Variants in DOCK6 observed in about 807,000 individuals in gnomAD.
DOCK6 encodes the protein dedicator of cytokinesis protein 6.
In DOCK6, 167 loss-of-function variants were observed where a neutral mutation model predicts 230.3. That is an observed-to-expected ratio of 0.73 (90% CI 0.64 to 0.82). The LOEUF is 0.82. DOCK6 is among the 40% of genes least tolerant of loss of function. The pLI is 0.00. For synonymous variants in DOCK6, 1,148 were observed against 1,185.0 expected (o/e 0.97, Z 0.64); for missense variants, 2,598 against 2,825.8 (o/e 0.92, Z 1.83).
At chr19:11,239,460 G>A (rs2079904658) in intron 14 of DOCK6, among the ~76,000 whole-genome samples, 1 of 152,208 alleles carries the variant, frequency 6.6e-6, no homozygotes, top group Non-Finnish European at 1.5e-5. Flanking sequence ...CCCAGGAAGC[G>A]TGATCCCGGC....
At chr19:11,224,701 T>A (rs2079636787) in intron 24 of DOCK6, among the ~76,000 whole-genome samples, 1 of 152,100 alleles carries the variant, frequency 6.6e-6, no homozygotes, top group African/African-American at 2.4e-5. Flanking sequence ...GCCCAGCTGG[T>A]ATTCGTTCTG....
intron 5 of DOCK6, 130 bp from the exon 6 acceptor site, chr19:11,251,216 A>G: frequency 1.1e-6 from 1 of 915,538 alleles, no homozygotes; most frequent in Non-Finnish European, 1.6e-6. Context: ...TCATCACTCT[A>G]AGGGTCACCT....
chr19:11,231,146 C>T (rs377283776), intron 22 of DOCK6, among the ~76,000 whole-genome samples: 1 of 152,288 alleles, frequency 6.6e-6, no homozygotes, highest in African/African-American at 2.4e-5. Context: ...GTACAGGTTA[C>T]CTTGGTGATG....
Position 11,214,616 on chromosome 19 carries a change from C to T in DOCK6, c.4140G>A (p.Val1380=), listed in dbSNP as rs185302580. The stretch of plus-strand genomic sequence containing the variant: ...TTGCCTCGGTTGCCAGGTTCCCTTC[C>T]ACCAAGGCCTCGTGTTCCATTTCAT... ...TKDEMEHEAL[V]EGNLATEASL... is the part of the protein sequence containing the mutation. The change falls in exon 33 of 48, where the codon GTG becomes GTA. Residue 1380 remains valine (V), a synonymous_variant. Transcript: ENST00000294618. 1.4e-5 allele frequency: 22 copies of T among 1,613,850 alleles called. No individual in the cohort carries two copies. The highest frequency in any genetic ancestry group is 1.2e-4 in the South Asian group (11 of 91,078).
Position 11,242,050 on chromosome 19 carries a change from G to C in DOCK6, c.1638C>G (p.Ser546Arg). Residue 546 changes from serine (S) to arginine (R), a missense_variant, in exon 14 of 48, where the codon AGC (serine) becomes AGG (arginine). Physicochemically the swap from Ser to Arg is moderately radical, Grantham distance 110. Coordinates refer to ENST00000294618, the MANE Select transcript of DOCK6 (RefSeq NM_020812.4). ...CTGGGCCCCAGAGGCCGTACCTGTAGCTGGTATGGGGGGCATAGACTTCGC... is the reference window on the plus strand; with the variant it reads ...CTGGGCCCCAGAGGCCGTACCTGTACCTGGTATGGGGGGCATAGACTTCGC... Reference protein sequence around the residue: ...PAREVYAPHTSYRNLLYVYPH... With the variant: ...PAREVYAPHTRYRNLLYVYPH... The C allele has an allele frequency of 6.4e-7, 1 of 1,568,452 alleles. No homozygotes were observed. Among genetic ancestry groups the C allele is most frequent in the Non-Finnish European group, 8.6e-7 (1 of 1,166,354 alleles).
intron 6 of DOCK6, among the ~76,000 whole-genome samples, chr19:11,248,963 C>T (rs183283239): frequency 5.2e-4 from 79 of 152,192 alleles, no homozygotes; most frequent in African/African-American, 1.3e-3. Context: ...CACCCAATAA[C>T]GCACCCAGTA....
Position 11,200,220 on chromosome 19 carries a change from G to A in DOCK6, c.6101+88C>T. 7.5e-7 allele frequency: 1 copy of A among 1,333,462 alleles called. No homozygotes were observed. Among genetic ancestry groups the A allele is most frequent in the Non-Finnish European group, 1.0e-6 (1 of 985,030 alleles). The allele number at this position is 1,333,462 out of a possible 1,614,324, so 82.6% of individuals were successfully genotyped here. ...TACCAGCAAACATGTTGCTGTGTAT[G>A]TGTACAACAGCCCCCATCCTGTACC... On this transcript the variant is annotated intron_variant, in intron 47 of 47. Coordinates refer to ENST00000294618, the MANE Select transcript of DOCK6 (RefSeq NM_020812.4). The surrounding 1 kb of genome is among the most constrained non-coding windows in gnomAD (Gnocchi z 4.3).
intron 39 of DOCK6, among the ~76,000 whole-genome samples, chr19:11,204,653 C>A (rs1245595490): frequency 1.3e-5 from 2 of 152,106 alleles, no homozygotes; most frequent in Non-Finnish European, 2.9e-5. Context: ...GATGCTCCCA[C>A]CCTAGCCTCC....
chr19:11,213,187 C>G lies in DOCK6; in HGVS notation c.4480G>C (p.Glu1494Gln). ...SLYLLMRQNF[E>Q]IGHNFARVKM... ...TAGCCCCCACTCACGTGGCCGATCTCGAAGTTCTGTCGCATGAGCAGGTAC... is the reference window on the plus strand; with the variant it reads ...TAGCCCCCACTCACGTGGCCGATCTGGAAGTTCTGTCGCATGAGCAGGTAC... The change falls in exon 35 of 48, where the codon GAG (glutamate) becomes CAG (glutamine). Residue 1494 changes from glutamate (E) to glutamine (Q), a missense_variant. Physicochemically the swap from Glu to Gln is conservative, Grantham distance 29. Transcript: ENST00000294618. 1 of 1,612,118 alleles carries G rather than the reference C, an allele frequency of 6.2e-7. No homozygotes were observed. Among genetic ancestry groups the G allele is most frequent in the South Asian group, 1.1e-5 (1 of 91,042 alleles).
rs1162335812 is a variant in DOCK6, at chr19:11,238,285, G to T, written c.1663C>A (p.Pro555Thr). 3 of 1,610,764 alleles carry T rather than the reference G, an allele frequency of 1.9e-6. No homozygotes were observed. The highest frequency in any genetic ancestry group is 2.2e-5 in the East Asian group (1 of 44,784). Residue 555 changes from proline (P) to threonine (T), a missense_variant, in exon 15 of 48, where the codon CCG becomes ACG. Pro to Thr is a conservative substitution (Grantham distance 38). Coordinates refer to ENST00000294618, the MANE Select transcript of DOCK6 (RefSeq NM_020812.4). ...TSYRNLLYVY[P>T]HSLNFSSRQG... is the part of the protein sequence containing the mutation. ...CGGCTGCTGAAGTTGAGGCTGTGCG[G>T]GTACACGTACAGCAGGTTCCTGTGG...
At position 11,201,161 on chromosome 19, in the gene DOCK6, C is replaced by T. The variant is rs1362220748; in HGVS notation, c.5689-109G>A. ...CTGGGAGTGAGAGGGGTCCAAGAAC[C>T]CAGGCAATGAACAGAATCTGGGGGC... On this transcript the variant is annotated intron_variant, in intron 44 of 47. Coordinates refer to ENST00000294618, the MANE Select transcript of DOCK6 (RefSeq NM_020812.4). The surrounding 1 kb of genome is among the most constrained non-coding windows in gnomAD (Gnocchi z 4.3). 4 of 1,385,658 alleles carry T rather than the reference C, an allele frequency of 2.9e-6. No individual in the cohort carries two copies. Among genetic ancestry groups the T allele is most frequent in the Non-Finnish European group, 3.9e-6 (4 of 1,014,198 alleles). The allele number at this position is 1,385,658 out of a possible 1,614,324, so 85.8% of individuals were successfully genotyped here. A position where few individuals can be genotyped will look rare whatever the true frequency, so the allele number is the denominator to read the frequency against.
At position 11,247,884 on chromosome 19, in the gene DOCK6, G is replaced by A. The variant is rs562438098; in HGVS notation, c.806+182C>T. The A allele has an allele frequency of 2.2e-5, 13 of 597,698 alleles. No homozygotes were observed. The East Asian group carries it at 3.1e-4, about 14-fold the overall frequency. The allele number at this position is 597,698 out of a possible 1,614,324, so 37.0% of individuals were successfully genotyped here. A position where few individuals can be genotyped will look rare whatever the true frequency, so the allele number is the denominator to read the frequency against. ...TCCTGGCATACAATTGGCACTTAAG[G>A]ATTGGAGACTCGGGATAATGAAAAA... is the stretch of plus-strand genomic sequence containing the variant. On this transcript the variant is annotated intron_variant, in intron 7 of 47. Coordinates refer to ENST00000294618, the MANE Select transcript of DOCK6 (RefSeq NM_020812.4).
chr19:11,210,960 CT>C, intron 37 of DOCK6, among the ~76,000 whole-genome samples: 1 of 151,860 alleles, frequency 6.6e-6, no homozygotes, highest in East Asian at 1.9e-4. Flanking sequence ...CACCCCCTCA[CT>C]TGTGTCCTCA....
chr19:11,199,359 CAG>C lies in DOCK6; in HGVS notation c.*136_*137del, dbSNP rs2079126797. ...GCATCAGTGCACACAGATGGGGACACAGGGGCAGAGGGCCCAGCCCCAAGTAC... is the reference window on the plus strand; with the variant it reads ...GCATCAGTGCACACAGATGGGGACACGGGCAGAGGGCCCAGCCCCAAGTAC... On this transcript the variant is annotated 3_prime_UTR_variant, in exon 48 of 48. Transcript: ENST00000294618. 7.7e-6 allele frequency: 8 copies of C among 1,045,098 alleles called. No homozygotes were observed. Among genetic ancestry groups the C allele is most frequent in the African/African-American group, 3.2e-5 (2 of 62,578 alleles). The allele number at this position is 1,045,098 out of a possible 1,614,324, so 64.7% of individuals were successfully genotyped here.
In DOCK6 at chr19:11,217,588, C is replaced by T. The variant is rs558695966; in HGVS notation, c.3551-197G>A. On this transcript the variant is annotated intron_variant, in intron 28 of 47. Transcript: ENST00000294618. ...CCTGGCCAACGTGGCAAAATCCCATCTCTACTAAAATTACAAAAAATTAGC... is the reference window on the plus strand; with the variant it reads ...CCTGGCCAACGTGGCAAAATCCCATTTCTACTAAAATTACAAAAAATTAGC... Among the ~76,000 whole-genome samples, 26 of 151,928 alleles carry T rather than the reference C, an allele frequency of 1.7e-4. No individual in the cohort carries two copies. The East Asian group carries it at 3.2e-3, about 18-fold the overall frequency.
intron 24 of DOCK6, among the ~76,000 whole-genome samples, chr19:11,225,868 T>TAAA (rs745740690): frequency 1.4e-5 from 1 of 71,014 alleles, no homozygotes; most frequent in Non-Finnish European, 2.8e-5. Context: ...CTGACTCTAC[T>TAAA]AAAAAAAAAA....
intron 24 of DOCK6, among the ~76,000 whole-genome samples, chr19:11,225,804 G>C (rs1401948205): frequency 1.3e-5 from 2 of 151,060 alleles, no homozygotes; most frequent in Non-Finnish European, 2.9e-5. Flanking sequence ...GCCAAAGTGG[G>C]AGAAGCCCTT....
chr19:11,211,983 C>T lies in DOCK6; in HGVS notation c.4650+10G>A. 6.3e-7 allele frequency: 1 copy of T among 1,594,006 alleles called. No homozygotes were observed. The highest frequency in any genetic ancestry group is 8.6e-7 in the Non-Finnish European group (1 of 1,168,006). On this transcript the variant is annotated intron_variant, in intron 36 of 47. Coordinates refer to ENST00000294618, the MANE Select transcript of DOCK6 (RefSeq NM_020812.4). ...AAGGGGAGGCGGGGCGGGGACCCAG[C>T]AGGTGTCACCTGCTCTGCGAAGGTG...
At chr19:11,239,643 A>AGTGCCTGCTCT (rs746415379) in intron 14 of DOCK6, 1 of 1,613,792 alleles carries the variant, frequency 6.2e-7, no homozygotes, top group South Asian at 1.1e-5. Context: ...CAGTCATGCC[A>AGTGCCTGCTCT]GTGCCTGCTC....
Sources: gnomAD v4.1 joint callset for allele counts (sites outside exome capture counted in the v4.1 genomes callset) on GRCh38, gnomAD v4.1.1 for gene constraint, Gnocchi (gnomAD v3.1) non-coding constraint, MANE v1.5 for transcripts, NCBI Gene and HGNC (gene_info 2026-07-23, HGNC 2026-07-21) for gene names.